The following LMNB1 variants were observed in gnomAD, a reference collection of about 807,000 sequenced individuals.
LMNB1 encodes lamin B1, also known as lamin-B1.
In LMNB1, 23 loss-of-function variants were observed where a neutral mutation model predicts 67.1. That is an observed-to-expected ratio of 0.34 (90% CI 0.25 to 0.49). The LOEUF (loss-of-function observed/expected upper bound fraction) is 0.49. Among genes scored for constraint, LMNB1 ranks in the 20% least tolerant of loss-of-function variants. The probability of loss-of-function intolerance (pLI) is 0.99; values close to 1 mark genes in which losing one functional copy is unlikely to be tolerated. For synonymous variants in LMNB1, 281 were observed against 282.9 expected, an observed-to-expected ratio of 0.99 and a Z score of 0.07; for missense variants, 634 against 746.5, an observed-to-expected ratio of 0.85 and a Z score of 1.76.
At chr5:126,818,122 G>T (rs1372285486) in intron 5 of LMNB1, among the ~76,000 whole-genome samples, 1 of 152,140 alleles carries the variant, frequency 6.6e-6, no homozygotes, top group Admixed American at 6.5e-5. Flanking sequence ...ACACTAGGTA[G>T]TGCCTTCCAC....
At chr5:126,783,727 T>C (rs1034380707) in intron 1 of LMNB1, among the ~76,000 whole-genome samples, 1 of 152,186 alleles carries the variant, frequency 6.6e-6, no homozygotes, top group African/African-American at 2.4e-5. Flanking sequence ...GGGTCTTTTC[T>C]TTTTTGTGTC....
In LMNB1 at chr5:126,805,797, C is replaced by T. The variant is rs529768089; in HGVS notation, c.642+101C>T. The stretch of plus-strand genomic sequence containing the variant: ...TATATTTTATTTATGATTTCTTTGC[C>T]ACAAAAATATATCAGATAAAGAAAT... On this transcript the variant is annotated intron_variant, in intron 3 of 10. Transcript: ENST00000261366. The T allele has an allele frequency of 3.3e-5, 30 of 920,302 alleles. No homozygotes were observed. In the South Asian group the frequency reaches 6.9e-4, roughly 21 times the overall value. 57.0% of individuals were successfully genotyped at this position (920,302 alleles called of 1,614,324 possible). A position where few individuals can be genotyped will look rare whatever the true frequency, so the allele number is the denominator to read the frequency against.
At chr5:126,809,885 A>G (rs1179011861) in intron 3 of LMNB1, among the ~76,000 whole-genome samples, 2 of 152,186 alleles carry the variant, frequency 1.3e-5, no homozygotes, top group South Asian at 2.1e-4. Context: ...GATTGCAGAT[A>G]GTTTTAGTAG....
At chr5:126,778,399 G>A (rs2112913521) in intron 1 of LMNB1, among the ~76,000 whole-genome samples, 1 of 152,326 alleles carries the variant, frequency 6.6e-6, no homozygotes, top group South Asian at 2.1e-4. Flanking sequence ...GGACCTTCCC[G>A]CAGCATCCGC....
In LMNB1 at chr5:126,777,670, G is replaced by A. The variant is rs1365632076; in HGVS notation, c.162G>A (p.Glu54=). The change falls in exon 1 of 11, where the codon GAG becomes GAA. Residue 54 remains glutamate, a synonymous_variant. Coordinates refer to ENST00000261366, the MANE Select transcript of LMNB1 (RefSeq NM_005573.4). ...AVYIDKVRSL[E]TENSALQLQV... is the part of the protein sequence containing the mutation. ...ACATCGACAAGGTGCGCAGCCTGGA[G>A]ACGGAGAACAGCGCGCTGCAGCTGC... 1.9e-6 allele frequency: 3 copies of A among 1,545,208 alleles called. No individual in the cohort carries two copies. The highest frequency in any genetic ancestry group is 2.4e-5 in the South Asian group (2 of 83,488).
intron 1 of LMNB1, among the ~76,000 whole-genome samples, chr5:126,785,452 G>A (rs1462367391): frequency 6.6e-6 from 1 of 150,746 alleles, no homozygotes; most frequent in Non-Finnish European, 1.5e-5. Context: ...CCACCACGTC[G>A]GCTAATTTTT....
Position 126,836,744 on chromosome 5 carries a change from C to G in LMNB1, c.*480C>G, listed in dbSNP as rs1309047752. On this transcript the variant is annotated 3_prime_UTR_variant, in exon 11 of 11. Coordinates refer to ENST00000261366, the MANE Select transcript of LMNB1 (RefSeq NM_005573.4). ...TTGTACTGAATTTTTTTGTAATAAG[C>G]AATCAAGGTTATAATTTTTTTTAAA... The G allele has an allele frequency of 1.0e-5, 4 of 392,452 alleles. No homozygotes were observed. Among genetic ancestry groups the G allele is most frequent in the Non-Finnish European group, 1.8e-5 (4 of 223,012 alleles). The allele number at this position is 392,452 out of a possible 1,614,324, so 24.3% of individuals were successfully genotyped here. A position where few individuals can be genotyped will look rare whatever the true frequency, so the allele number is the denominator to read the frequency against.
intron 4 of LMNB1, 53 bp from the exon 5 acceptor site, chr5:126,811,720 C>CT: frequency 1.3e-6 from 2 of 1,525,336 alleles, no homozygotes. Flanking sequence ...ATCATGCTTC[C>CT]TTTTTTGTTT....
At chr5:126,829,550 C>T (rs993762000) in intron 9 of LMNB1, among the ~76,000 whole-genome samples, 10 of 151,552 alleles carry the variant, frequency 6.6e-5, no homozygotes, top group African/African-American at 1.9e-4. Context: ...TCTCCTCGTT[C>T]CTGACAGAAC....
chr5:126,789,538 G>A (rs1328306508), intron 1 of LMNB1, among the ~76,000 whole-genome samples: 2 of 152,084 alleles, frequency 1.3e-5, no homozygotes, highest in Non-Finnish European at 2.9e-5. Context: ...TCCCTACATG[G>A]GCTGGTCCCA....
Position 126,777,769 on chromosome 5 carries a change from C to T in LMNB1, c.261C>T (p.Ala87=), listed in dbSNP as rs1180695150. ...AGGCGCTCTACGAGACCGAGCTGGC[C>T]GACGCGCGACGCGCGCTCGACGACA... ...GLKALYETEL[A]DARRALDDTA... is the part of the protein sequence containing the mutation. Residue 87 remains alanine (A), a synonymous_variant, in exon 1 of 11, where the codon GCC becomes GCT. Coordinates refer to ENST00000261366, the MANE Select transcript of LMNB1 (RefSeq NM_005573.4). 6.6e-7 allele frequency: 1 copy of T among 1,513,710 alleles called. No individual in the cohort carries two copies. The highest frequency in any genetic ancestry group is 8.9e-7 in the Non-Finnish European group (1 of 1,128,010). 93.8% of individuals were successfully genotyped at this position (1,513,710 alleles called of 1,614,324 possible).
At chr5:126,823,626 A>G (rs773915608) in intron 8 of LMNB1, among the ~76,000 whole-genome samples, 12 of 152,128 alleles carry the variant, frequency 7.9e-5, no homozygotes, top group Non-Finnish European at 1.8e-4. Flanking sequence ...CTTTCCTTTT[A>G]TATATTCTTT....
chr5:126,778,830 A>G (rs749287514), intron 1 of LMNB1, among the ~76,000 whole-genome samples: 8 of 152,172 alleles, frequency 5.3e-5, no homozygotes, highest in Non-Finnish European at 8.8e-5. Flanking sequence ...GGTGCTGTGT[A>G]AATGCTGAGT....
chr5:126,779,610 C>T (rs923993582), intron 1 of LMNB1, among the ~76,000 whole-genome samples: 1 of 152,176 alleles, frequency 6.6e-6, no homozygotes, highest in Non-Finnish European at 1.5e-5. Context: ...ATTAAAATGT[C>T]AAACAGGGCC....
At chr5:126,797,344 G>A (rs1341209335) in intron 1 of LMNB1, among the ~76,000 whole-genome samples, 1 of 152,182 alleles carries the variant, frequency 6.6e-6, no homozygotes, top group Non-Finnish European at 1.5e-5. Context: ...TATATTTCTA[G>A]TATTAGATTC....
intron 6 of LMNB1, among the ~76,000 whole-genome samples, chr5:126,819,782 C>A (rs1290622793): frequency 6.6e-6 from 1 of 152,078 alleles, no homozygotes; most frequent in Non-Finnish European, 1.5e-5. Flanking sequence ...GCCACCACGC[C>A]CGGCTGGCTT....
chr5:126,826,250 C>CT, intron 9 of LMNB1, 143 bp downstream of exon 9: 11 of 966,770 alleles, frequency 1.1e-5, no homozygotes, highest in Middle Eastern at 2.6e-4. Flanking sequence ...CTGAAGCTGT[C>CT]TTTAAGTTTT....
intron 3 of LMNB1, 117 bp downstream of exon 3, chr5:126,805,813 A>T (rs950699525): frequency 7.5e-6 from 6 of 799,764 alleles, no homozygotes; most frequent in Non-Finnish European, 1.1e-5. Flanking sequence ...AATATATCAG[A>T]TAAAGAAATA....
chr5:126,794,251 GT>G (rs1244656858), intron 1 of LMNB1, among the ~76,000 whole-genome samples: 5 of 152,106 alleles, frequency 3.3e-5, no homozygotes, highest in Admixed American at 3.3e-4. Flanking sequence ...AGTTATATTT[GT>G]TTTAATTTCG....
Sources: gnomAD v4.1 joint callset for allele counts (sites outside exome capture counted in the v4.1 genomes callset) on GRCh38, gnomAD v4.1.1 for gene constraint, MANE v1.5 for transcripts, NCBI Gene and HGNC (gene_info 2026-07-23, HGNC 2026-07-21) for gene names.